EVC2: variants seen among roughly 807,000 people sequenced by gnomAD.
The protein encoded by EVC2 is EvC ciliary complex subunit 2, also known as limbin.
EVC2 carries 148 observed loss-of-function variants against 149.3 expected under a neutral mutation model. That is an observed-to-expected ratio of 0.99 (90% CI 0.87 to 1.14). EVC2 has a LOEUF of 1.14. Ranked by LOEUF, EVC2 falls within the 50% of genes most tolerant of loss-of-function variation. The pLI is 0.00. For synonymous variants in EVC2, 776 were observed against 649.9 expected (o/e 1.19, Z -2.95); for missense variants, 1,854 against 1,627.3 (o/e 1.14, Z -2.40).
chr4:5,580,987 C>T (rs891389067), intron 17 of EVC2, among the ~76,000 whole-genome samples: 1 of 152,160 alleles, frequency 6.6e-6, no homozygotes, highest in Non-Finnish European at 1.5e-5. Context: ...TTCTCTCTTC[C>T]TTTTGCTCCA....
intron 4 of EVC2, among the ~76,000 whole-genome samples, chr4:5,690,256 T>C (rs919386892): frequency 1.3e-5 from 2 of 152,222 alleles, no homozygotes; most frequent in Middle Eastern, 6.8e-3. Flanking sequence ...TGTGATAAAA[T>C]GAGGGTGGCA....
chr4:5,641,052 A>G (rs1302601703), intron 9 of EVC2, among the ~76,000 whole-genome samples: 1 of 152,132 alleles, frequency 6.6e-6, no homozygotes. Context: ...TGTGATGTAC[A>G]AAAAAGAATA....
In EVC2 at chr4:5,657,503, G is replaced by C. The variant is rs1030768522; in HGVS notation, c.1145+5604C>G. Among the ~76,000 whole-genome samples the C allele has an allele frequency of 6.6e-6, 1 of 152,040 alleles. No homozygotes were observed. Among genetic ancestry groups the C allele is most frequent in the Non-Finnish European group, 1.5e-5 (1 of 68,030 alleles). On this transcript the variant is annotated intron_variant, in intron 9 of 21. Transcript: ENST00000344408. This position sits in a 1 kb window ranked among gnomAD's most constrained non-coding sequence, Gnocchi z 4.7. Reference sequence around the variant, plus strand: ...ATCACATCTGGAAACATGTTGTGTTGTCTTCTGGTTTGAGTAATGCTGCAC... The same window carrying C: ...ATCACATCTGGAAACATGTTGTGTTCTCTTCTGGTTTGAGTAATGCTGCAC...
At chr4:5,616,149 C>T (rs1269799477) in intron 15 of EVC2, among the ~76,000 whole-genome samples, 3 of 152,112 alleles carry the variant, frequency 2.0e-5, no homozygotes, top group African/African-American at 4.8e-5. Context: ...GGAGGATTTA[C>T]ACCATGGAAA....
intron 15 of EVC2, among the ~76,000 whole-genome samples, chr4:5,615,994 T>C (rs755854592): frequency 7.8e-4 from 118 of 152,164 alleles, no homozygotes; most frequent in Non-Finnish European, 1.5e-3. Context: ...AGAGCCACGT[T>C]GGCGGACAGG....
At chr4:5,709,541 A>G (rs772835369), upstream of EVC2, 6 of 152,230 alleles carry the variant, frequency 3.9e-5, no homozygotes, top group Non-Finnish European at 8.8e-5. Context: ...GAAGCTGAGA[A>G]TTTATAAGCC....
intron 21 of EVC2, among the ~76,000 whole-genome samples, chr4:5,553,160 G>A (rs2108760416): frequency 6.6e-6 from 1 of 152,312 alleles, no homozygotes; most frequent in East Asian, 1.9e-4. Flanking sequence ...AGCTTCTGTG[G>A]AGGCCTCAGG....
rs533985457 is a variant in EVC2, at chr4:5,657,976, C to T, written c.1145+5131G>A. Among the ~76,000 whole-genome samples, 40 of 152,238 alleles carry T rather than the reference C, an allele frequency of 2.6e-4. No homozygotes were observed. The highest frequency in any genetic ancestry group is 3.4e-3 in the Middle Eastern group (1 of 294). On this transcript the variant is annotated intron_variant, in intron 9 of 21. Coordinates refer to ENST00000344408, the MANE Select transcript of EVC2 (RefSeq NM_147127.5). The surrounding 1 kb of genome is among the most constrained non-coding windows in gnomAD (Gnocchi z 4.7). ...TTGCTGCCCACTCCAAAACGCTCATCGCCAGCTCTCAGCTTAACAAGCCTC... is the reference window on the plus strand; with the variant it reads ...TTGCTGCCCACTCCAAAACGCTCATTGCCAGCTCTCAGCTTAACAAGCCTC...
Position 5,613,973 on chromosome 4 carries a change from C to A in EVC2, c.2829+1449G>T, listed in dbSNP as rs750439737. ...AAATACACCGGCACTAAAATAAAAA[C>A]AAGCAAAAAAGCTAGAAAAAGGAGA... On this transcript the variant is annotated intron_variant, in intron 16 of 21. Coordinates refer to ENST00000344408, the MANE Select transcript of EVC2 (RefSeq NM_147127.5). The surrounding 1 kb of genome is among the most constrained non-coding windows in gnomAD (Gnocchi z 4.6). Among the ~76,000 whole-genome samples the A allele has an allele frequency of 6.6e-6, 1 of 152,042 alleles. No individual in the cohort carries two copies. The highest frequency in any genetic ancestry group is 1.5e-5 in the Non-Finnish European group (1 of 68,002).
chr4:5,707,891 C>A (rs556828082), intron 1 of EVC2, among the ~76,000 whole-genome samples: 13 of 152,236 alleles, frequency 8.5e-5, no homozygotes, highest in African/African-American at 3.1e-4. Flanking sequence ...CCAGTGCTGG[C>A]CTCTGCAAGG....
chr4:5,577,872 G>A (rs977167751), intron 17 of EVC2, among the ~76,000 whole-genome samples: 2 of 152,130 alleles, frequency 1.3e-5, no homozygotes, highest in Non-Finnish European at 2.9e-5. Flanking sequence ...CTGTCATGCT[G>A]TCAGCATGGC....
In EVC2 at chr4:5,689,198, G is replaced by A; in HGVS notation, c.665C>T (p.Thr222Ile). The A allele has an allele frequency of 6.2e-7, 1 of 1,614,202 alleles. No individual in the cohort carries two copies. The highest frequency in any genetic ancestry group is 8.5e-7 in the Non-Finnish European group (1 of 1,180,042). ...GCTAAAAGCCTGGAATCCTTCCGAG[G>A]TCCTGTTTCCCACAGAGTCCCAAAT... ...LTIWDSVGNRTSEGFQAFSKK... is the reference protein window; with the variant it reads ...LTIWDSVGNRISEGFQAFSKK... The change falls in exon 5 of 22, where the codon ACC becomes ATC. Residue 222 changes from threonine to isoleucine, a missense_variant. Coordinates refer to ENST00000344408, the MANE Select transcript of EVC2 (RefSeq NM_147127.5).
intron 7 of EVC2, among the ~76,000 whole-genome samples, chr4:5,673,183 A>G (rs1448334527): frequency 6.6e-6 from 1 of 152,250 alleles, no homozygotes; most frequent in African/African-American, 2.4e-5. Flanking sequence ...GTTATGGTAC[A>G]CAGAAGTCAG....
intron 21 of EVC2, among the ~76,000 whole-genome samples, chr4:5,555,017 C>CGT (rs35387388): frequency 0.042 from 6,226 of 149,256 alleles, 347 homozygotes; most frequent in African/African-American, 0.13. Flanking sequence ...AGAGAGGAAG[C>CGT]GTGTGTGTGT....
chr4:5,570,596 A>G (rs1385703964), intron 19 of EVC2, among the ~76,000 whole-genome samples: 1 of 152,228 alleles, frequency 6.6e-6, no homozygotes, highest in Non-Finnish European at 1.5e-5. Context: ...GAGGTTCCTT[A>G]AAGAACTAAA....
chr4:5,553,930 G>T (rs1021868460), intron 21 of EVC2, among the ~76,000 whole-genome samples: 7 of 152,052 alleles, frequency 4.6e-5, no homozygotes, highest in Admixed American at 6.6e-5. Context: ...CATAACAAAA[G>T]TTCATCAACA....
intron 16 of EVC2, among the ~76,000 whole-genome samples, chr4:5,611,178 C>T (rs187698094): frequency 2.0e-4 from 30 of 152,300 alleles, no homozygotes; most frequent in Admixed American, 9.1e-4. Flanking sequence ...CCAGTGTGAA[C>T]TAGGAGACAC....
chr4:5,668,065 T>C (rs1719389461), intron 7 of EVC2, among the ~76,000 whole-genome samples: 1 of 152,232 alleles, frequency 6.6e-6, no homozygotes, highest in South Asian at 2.1e-4. Context: ...AAACTCTGCA[T>C]CAGCATCTGT....
chr4:5,660,108 T>C (rs1484139127), intron 9 of EVC2, among the ~76,000 whole-genome samples: 1 of 152,230 alleles, frequency 6.6e-6, no homozygotes, highest in Admixed American at 6.5e-5. Flanking sequence ...CAAATTTTAA[T>C]TTGTAATCCT....
Sources: allele counts gnomAD v4.1 joint callset (sites outside exome capture counted in the v4.1 genomes callset), GRCh38; gene constraint gnomAD v4.1.1; non-coding constraint Gnocchi (gnomAD v3.1); transcripts MANE v1.5; gene names NCBI Gene and HGNC (gene_info 2026-07-23, HGNC 2026-07-21).